Variants in RARS2 observed in about 807,000 individuals in gnomAD.
RARS2 encodes the protein probable arginine--tRNA ligase, mitochondrial.
A neutral mutation model predicts 88.5 loss-of-function variants in RARS2; 67 were observed. That is an observed-to-expected ratio of 0.76 (90% confidence interval 0.62 to 0.93). The LOEUF (loss-of-function observed/expected upper bound fraction) is 0.93, where lower values mean the gene tolerates loss of function less well. RARS2 is among the 40% of genes least tolerant of loss of function. The probability of loss-of-function intolerance (pLI) is 0.00; values close to 1 mark genes in which losing one functional copy is unlikely to be tolerated. For synonymous variants in RARS2, 239 were observed against 230.3 expected, an observed-to-expected ratio of 1.04 and a Z score of -0.34; for missense variants, 664 against 684.2, an observed-to-expected ratio of 0.97 and a Z score of 0.33.
intron 1 of RARS2, among the ~76,000 whole-genome samples, chr6:87,576,778 A>G (rs1392996192): frequency 6.6e-6 from 1 of 152,264 alleles, no homozygotes; most frequent in Non-Finnish European, 1.5e-5. Flanking sequence ...AAGATAAATT[A>G]TATCAAGAAA....
intron 4 of RARS2, among the ~76,000 whole-genome samples, chr6:87,558,763 TTGATAA>T (rs1786851754): frequency 1.3e-5 from 2 of 152,254 alleles, no homozygotes; most frequent in Admixed American, 6.5e-5. Context: ...ATCATGATAC[TTGATAA>T]TAATAAAGGA....
intron 4 of RARS2, among the ~76,000 whole-genome samples, 176 bp from the exon 5 acceptor site, chr6:87,555,681 T>C (rs1489617273): frequency 1.3e-5 from 2 of 152,242 alleles, no homozygotes; most frequent in African/African-American, 2.4e-5. Context: ...ATGCTAGTCA[T>C]AGTAGTAACA....
chr6:87,524,480 T>C, intron 11 of RARS2, 77 bp downstream of exon 11: 3 of 1,107,614 alleles, frequency 2.7e-6, no homozygotes, highest in Non-Finnish European at 4.2e-6. Flanking sequence ...CGATAATGCA[T>C]AATTAATTGT....
At position 87,558,134 on chromosome 6, in the gene RARS2, G is replaced by A. The variant is rs184622001; in HGVS notation, c.298-2629C>T. 1.9e-3 allele frequency among the ~76,000 whole-genome samples: 286 copies of A among 150,608 alleles called. 1 individual carries two copies. Among genetic ancestry groups the A allele is most frequent in the Non-Finnish European group, 2.1e-3 (144 of 67,836 alleles). On this transcript the variant is annotated intron_variant, in intron 4 of 19. Transcript: ENST00000369536. The stretch of plus-strand genomic sequence containing the variant: ...GGAGGTTGCAATGAGCCAAGATCAC[G>A]CCATTGCACTCCAGCATGGGCAACA...
At chr6:87,514,877 T>C in intron 19 of RARS2, 80 bp downstream of exon 19, 2 of 1,205,884 alleles carry the variant, frequency 1.7e-6, no homozygotes, top group Non-Finnish European at 2.5e-6. Flanking sequence ...AATGCTATTT[T>C]AGAAAAATTT....
In RARS2 at chr6:87,555,511, A is replaced by T. The variant is rs770560101; in HGVS notation, c.298-6T>A. The T allele has an allele frequency of 6.3e-7, 1 of 1,599,240 alleles. No individual in the cohort carries two copies. Among genetic ancestry groups the T allele is most frequent in the East Asian group, 2.2e-5 (1 of 44,750 alleles). ...ATTACTTGTTGTAGCACTGTCTGAA[A>T]ATTAAAGGACTGTAATTTAATGAAC... On this transcript the variant is annotated splice_region_variant and splice_polypyrimidine_tract_variant and intron_variant, in intron 4 of 19. Transcript: ENST00000369536.
intron 11 of RARS2, among the ~76,000 whole-genome samples, chr6:87,521,958 G>T (rs1046864839): frequency 6.6e-6 from 1 of 152,158 alleles, no homozygotes; most frequent in Non-Finnish European, 1.5e-5. Flanking sequence ...GTATTGTCTA[G>T]ATACTCTCCT....
At chr6:87,533,075 T>C (rs1778038893) in intron 8 of RARS2, among the ~76,000 whole-genome samples, 2 of 152,212 alleles carry the variant, frequency 1.3e-5, no homozygotes, top group South Asian at 4.1e-4. Flanking sequence ...GCAAAATGTC[T>C]TTATTTTCAC....
At chr6:87,552,413 A>T (rs1784615472) in intron 5 of RARS2, among the ~76,000 whole-genome samples, 1 of 152,190 alleles carries the variant, frequency 6.6e-6, no homozygotes, top group Admixed American at 6.5e-5. Context: ...GTCTCACAAC[A>T]ATGCCACATG....
chr6:87,539,930 A>AAAAT (rs926538393), intron 8 of RARS2, among the ~76,000 whole-genome samples: 4 of 152,286 alleles, frequency 2.6e-5, no homozygotes, highest in South Asian at 2.1e-4. Context: ...TTCAAGTGTA[A>AAAAT]AAATAAATAA....
Position 87,545,700 on chromosome 6 carries a change from C to T in RARS2, c.452-1G>A. 1.9e-6 allele frequency: 3 copies of T among 1,612,494 alleles called. No individual in the cohort carries two copies. The highest frequency in any genetic ancestry group is 2.5e-6 in the Non-Finnish European group (3 of 1,179,272). On this transcript the variant is annotated splice_acceptor_variant, in intron 6 of 19. Transcript: ENST00000369536. LOFTEE classifies it high-confidence loss of function. ...TCTTTGAGATTTGCTATAAAATTTC[C>T]TAGTAATCAATAAAGTATATAGTTT...
At chr6:87,553,530 A>G (rs1034801951) in intron 5 of RARS2, among the ~76,000 whole-genome samples, 3 of 152,220 alleles carry the variant, frequency 2.0e-5, no homozygotes, top group Non-Finnish European at 4.4e-5. Context: ...TGCCATTGCA[A>G]TATGAAAGCA....
chr6:87,527,860 A>G (rs1776259555), intron 10 of RARS2, among the ~76,000 whole-genome samples: 1 of 152,106 alleles, frequency 6.6e-6, no homozygotes, highest in Admixed American at 6.6e-5. Context: ...GGAGTTGAAC[A>G]ATGTGAACAC....
chr6:87,541,076 T>TA (rs5878034), intron 8 of RARS2, among the ~76,000 whole-genome samples: 92,676 of 152,116 alleles, frequency 0.61, 29,043 homozygotes, highest in African/African-American at 0.75. Flanking sequence ...ATGTTTATTC[T>TA]AAAAGATTCT....
At chr6:87,520,293 G>A in intron 12 of RARS2, 37 bp from the exon 13 acceptor site, 6 of 1,454,980 alleles carry the variant, frequency 4.1e-6, no homozygotes, top group South Asian at 1.2e-5. Flanking sequence ...AAAGAATACT[G>A]ACAAATTAAT....
At chr6:87,549,552 T>TAAA (rs34784229) in intron 5 of RARS2, among the ~76,000 whole-genome samples, 6 of 139,946 alleles carry the variant, frequency 4.3e-5, no homozygotes, top group Admixed American at 1.4e-4. Context: ...TCTGTAAAAT[T>TAAA]AAAAAAAAAA....
intron 11 of RARS2, 66 bp downstream of exon 11, chr6:87,524,491 A>G: frequency 8.3e-7 from 1 of 1,200,926 alleles, no homozygotes; most frequent in Non-Finnish European, 1.2e-6. Context: ...AATTAATTGT[A>G]CATAGTGTTT....
At chr6:87,575,277 A>ACACACACACC (rs1422126329) in intron 1 of RARS2, among the ~76,000 whole-genome samples, 31 of 140,140 alleles carry the variant, frequency 2.2e-4, no homozygotes, top group African/African-American at 4.0e-4. Flanking sequence ...ACACACACAC[A>ACACACACACC]CCTTGGCTTC....
chr6:87,572,396 T>C (rs1231419998), intron 1 of RARS2, among the ~76,000 whole-genome samples: 4 of 152,162 alleles, frequency 2.6e-5, no homozygotes, highest in Admixed American at 2.6e-4. Context: ...ACAATTCGGC[T>C]GAAAAAAACT....
Sources: allele counts gnomAD v4.1 joint callset (sites outside exome capture counted in the v4.1 genomes callset), GRCh38; gene constraint gnomAD v4.1.1; transcripts MANE v1.5; gene names NCBI Gene and HGNC (gene_info 2026-07-23, HGNC 2026-07-21).